The following CNTNAP4 variants were observed in gnomAD, a reference collection of about 807,000 sequenced individuals.
CNTNAP4 encodes the protein contactin associated protein family member 4.
Under a neutral mutation model 148.4 loss-of-function variants are expected in CNTNAP4, and 98 were observed. That is an observed-to-expected ratio of 0.66 (90% CI 0.56 to 0.78). CNTNAP4 has a LOEUF of 0.78. CNTNAP4 is among the 30% of genes least tolerant of loss of function. The pLI, the probability that CNTNAP4 is intolerant of heterozygous loss-of-function variation, is 0.00. For synonymous variants in CNTNAP4, 730 were observed against 565.1 expected, an observed-to-expected ratio of 1.29 and a Z score of -4.14; for missense variants, 1,935 against 1,565.6, an observed-to-expected ratio of 1.24 and a Z score of -3.98.
chr16:76,497,781 G>A (rs774398930), intron 14 of CNTNAP4, among the ~76,000 whole-genome samples: 13 of 151,996 alleles, frequency 8.6e-5, no homozygotes, highest in South Asian at 2.1e-4. Flanking sequence ...ACCATGGCCC[G>A]TGTATACCTG....
At chr16:76,356,685 G>C (rs1348006994) in intron 3 of CNTNAP4, among the ~76,000 whole-genome samples, 1 of 152,102 alleles carries the variant, frequency 6.6e-6, no homozygotes, top group East Asian at 1.9e-4. Flanking sequence ...AGAGAAAATG[G>C]GTTACTTAAT....
At chr16:76,513,035 G>A (rs1025945695) in intron 15 of CNTNAP4, among the ~76,000 whole-genome samples, 40 of 152,148 alleles carry the variant, frequency 2.6e-4, no homozygotes, top group African/African-American at 9.2e-4. Context: ...GTGGGAAAAT[G>A]TAATGGTAAA....
chr16:76,363,736 C>G (rs554885260), intron 3 of CNTNAP4, among the ~76,000 whole-genome samples: 1 of 152,202 alleles, frequency 6.6e-6, no homozygotes, highest in East Asian at 1.9e-4. Flanking sequence ...AACCATGTAT[C>G]TGATAGGGAG....
chr16:76,360,737 T>A (rs1245186133), intron 3 of CNTNAP4, among the ~76,000 whole-genome samples: 1 of 152,224 alleles, frequency 6.6e-6, no homozygotes, highest in Non-Finnish European at 1.5e-5. Context: ...AGTTTCCTGT[T>A]TATATTTCTA....
chr16:76,483,782 AT>A (rs899465640), intron 12 of CNTNAP4, among the ~76,000 whole-genome samples: 1 of 152,202 alleles, frequency 6.6e-6, no homozygotes, highest in African/African-American at 2.4e-5. Context: ...GGGTATGTGA[AT>A]GTCAGGCAGG....
At chr16:76,344,193 T>TAC (rs1035132097) in intron 2 of CNTNAP4, among the ~76,000 whole-genome samples, 6 of 151,072 alleles carry the variant, frequency 4.0e-5, no homozygotes, top group Middle Eastern at 3.2e-3. Flanking sequence ...AATACATACA[T>TAC]ACACACATAT....
At chr16:76,467,863 G>T (rs1203666292) in intron 10 of CNTNAP4, among the ~76,000 whole-genome samples, 1 of 152,166 alleles carries the variant, frequency 6.6e-6, no homozygotes, top group African/African-American at 2.4e-5. Flanking sequence ...CACTTGAACA[G>T]TAAAATTGAT....
chr16:76,347,523 T>C (rs1965008738), intron 2 of CNTNAP4, among the ~76,000 whole-genome samples: 1 of 152,166 alleles, frequency 6.6e-6, no homozygotes, highest in Non-Finnish European at 1.5e-5. Context: ...TGGAGATTTC[T>C]GTCAAAAATG....
chr16:76,525,681 A>C (rs2083696689), intron 17 of CNTNAP4, among the ~76,000 whole-genome samples: 1 of 146,312 alleles, frequency 6.8e-6, no homozygotes, highest in South Asian at 2.1e-4. Flanking sequence ...ATTTATATAT[A>C]AACATATTAT....
At chr16:76,464,365 A>G (rs2081097312) in intron 9 of CNTNAP4, among the ~76,000 whole-genome samples, 1 of 152,180 alleles carries the variant, frequency 6.6e-6, no homozygotes, top group South Asian at 2.1e-4. Flanking sequence ...TGGCTGGTAC[A>G]GGCAGTGGGG....
chr16:76,341,425 A>G (rs1964460519), intron 2 of CNTNAP4, among the ~76,000 whole-genome samples: 1 of 152,224 alleles, frequency 6.6e-6, no homozygotes, highest in Non-Finnish European at 1.5e-5. Flanking sequence ...TAAGGTAGGG[A>G]CAAAGCCAAG....
chr16:76,461,213 T>G (rs2080948103), intron 8 of CNTNAP4, among the ~76,000 whole-genome samples: 1 of 152,054 alleles, frequency 6.6e-6, no homozygotes, highest in African/African-American at 2.4e-5. Flanking sequence ...TTACAAAAAT[T>G]TAAAGAAAAC....
rs565209516 is a variant in CNTNAP4 at position 76,551,274 on chromosome 16, G to A, written c.3443-2009G>A. ...AAAAATACAAAAAATTTAGCCAGGC[G>A]TCAATCCCAGCTACTCGGGAGGCTG... On this transcript the variant is annotated intron_variant, in intron 21 of 23. Coordinates refer to ENST00000611870, the MANE Select transcript of CNTNAP4 (RefSeq NM_033401.5). 1.1e-4 allele frequency among the ~76,000 whole-genome samples: 17 copies of A among 151,884 alleles called. No homozygotes were observed. The South Asian group carries it at 2.7e-3, about 24-fold the overall frequency.
intron 1 of CNTNAP4, among the ~76,000 whole-genome samples, chr16:76,291,732 GCAAA>G (rs1959124857): frequency 6.6e-6 from 1 of 152,084 alleles, no homozygotes; most frequent in South Asian, 2.1e-4. Flanking sequence ...CATAAATAAA[GCAAA>G]CAAACAATAA....
intron 1 of CNTNAP4, among the ~76,000 whole-genome samples, chr16:76,283,872 T>G (rs1177225151): frequency 6.6e-6 from 1 of 152,016 alleles, no homozygotes; most frequent in Non-Finnish European, 1.5e-5. Context: ...TTTCATTTTG[T>G]TTTCACTGAC....
chr16:76,559,007 A>G lies in CNTNAP4; in HGVS notation c.*324A>G, dbSNP rs151291319. 1.6e-4 allele frequency: 28 copies of G among 171,668 alleles called. No individual in the cohort carries two copies. The highest frequency in any genetic ancestry group is 5.7e-4 in the African/African-American group (24 of 42,458). 10.6% of individuals were successfully genotyped at this position (171,668 alleles called of 1,614,324 possible). On this transcript the variant is annotated 3_prime_UTR_variant, in exon 24 of 24. Transcript: ENST00000611870. Reference sequence around the variant, plus strand: ...CCTTGGTCTCTTAACCATGTAATACATAAGTTTTGTTAGAGGTAAAAATTA... The same window carrying G: ...CCTTGGTCTCTTAACCATGTAATACGTAAGTTTTGTTAGAGGTAAAAATTA...
chr16:76,461,290 T>C (rs965414507), intron 8 of CNTNAP4, among the ~76,000 whole-genome samples: 1 of 152,118 alleles, frequency 6.6e-6, no homozygotes, highest in Admixed American at 6.5e-5. Flanking sequence ...CAGCAGGAAA[T>C]GTGGACAGGG....
At chr16:76,340,092 T>C (rs575075094) in intron 2 of CNTNAP4, among the ~76,000 whole-genome samples, 1 of 152,244 alleles carries the variant, frequency 6.6e-6, no homozygotes, top group African/African-American at 2.4e-5. Context: ...ATTGGGCTTG[T>C]GTTACATGCT....
intron 2 of CNTNAP4, among the ~76,000 whole-genome samples, chr16:76,343,902 T>C (rs890264334): frequency 1.3e-5 from 2 of 152,200 alleles, no homozygotes; most frequent in African/African-American, 4.8e-5. Context: ...TCTACATTTT[T>C]CATAAAATCA....
Sources: allele counts gnomAD v4.1 joint callset (sites outside exome capture counted in the v4.1 genomes callset), GRCh38; gene constraint gnomAD v4.1.1; transcripts MANE v1.5; gene names NCBI Gene and HGNC (gene_info 2026-07-23, HGNC 2026-07-21).